The following VCL variants were observed in gnomAD, a reference collection of about 807,000 sequenced individuals.
The protein encoded by VCL is vinculin.
A neutral mutation model predicts 125.7 loss-of-function variants in VCL; 47 were observed. The ratio of observed to expected loss-of-function variants is 0.37; its 90% CI spans 0.30 to 0.48. The LOEUF (loss-of-function observed/expected upper bound fraction) is 0.48, where lower values mean the gene tolerates loss of function less well. Ranked by LOEUF, VCL falls within the 20% of genes least tolerant of loss-of-function variation. The probability of loss-of-function intolerance (pLI) is 0.99; values close to 1 mark genes in which losing one functional copy is unlikely to be tolerated. For synonymous variants in VCL, 458 were observed against 514.6 expected (o/e 0.89, Z 1.49); for missense variants, 1,069 against 1,455.5 (o/e 0.73, Z 4.32).
intron 1 of VCL, among the ~76,000 whole-genome samples, chr10:74,027,399 G>T (rs1326470203): frequency 8.6e-5 from 13 of 150,544 alleles, no homozygotes; most frequent in African/African-American, 2.9e-4. Context: ...TAGATGTCAT[G>T]CCTGTAATCC....
In VCL at chr10:74,071,106, A is replaced by G; in HGVS notation, c.499+23A>G. On this transcript the variant is annotated intron_variant, in intron 4 of 21. Coordinates refer to ENST00000211998, the MANE Select transcript of VCL (RefSeq NM_014000.3). This position sits in a 1 kb window ranked among gnomAD's most constrained non-coding sequence, Gnocchi z 4.1. ...CAGGTTAGTTTTATCCAATTTCTAT[A>G]ACATTTTTTAAGGATTGTCCATGTT... is the stretch of plus-strand genomic sequence containing the variant. 1.9e-6 allele frequency: 3 copies of G among 1,608,428 alleles called. No homozygotes were observed. Among genetic ancestry groups the G allele is most frequent in the Non-Finnish European group, 2.6e-6 (3 of 1,174,986 alleles).
At chr10:74,117,329 T>C (rs948846957) in intron 21 of VCL, among the ~76,000 whole-genome samples, 2 of 152,132 alleles carry the variant, frequency 1.3e-5, no homozygotes, top group Admixed American at 6.5e-5. Flanking sequence ...ATACGTAGTG[T>C]ATCAGTTCGT....
chr10:74,102,704 A>G (rs1840078773), intron 14 of VCL, among the ~76,000 whole-genome samples: 1 of 152,232 alleles, frequency 6.6e-6, no homozygotes, highest in African/African-American at 2.4e-5. Context: ...AGCTACAAAC[A>G]TGTCTAACAC....
At chr10:74,026,437 A>G (rs1170955486) in intron 1 of VCL, among the ~76,000 whole-genome samples, 1 of 152,198 alleles carries the variant, frequency 6.6e-6, no homozygotes, top group Non-Finnish European at 1.5e-5. Flanking sequence ...TCTGTTCCTC[A>G]TCTGTGGCAT....
At chr10:74,038,189 G>C (rs1841022541) in intron 1 of VCL, among the ~76,000 whole-genome samples, 1 of 151,984 alleles carries the variant, frequency 6.6e-6, no homozygotes, top group African/African-American at 2.4e-5. Context: ...TAGAGACGGG[G>C]TTTCGCCATG....
rs749490598 is a variant in VCL, at chr10:74,070,929, C to G, written c.391-46C>G. ...CTGCACATCTGTGTTACCGTGTTTGCTAGTTGTCCACCCATGTGATTGAAT... is the reference window on the plus strand; with the variant it reads ...CTGCACATCTGTGTTACCGTGTTTGGTAGTTGTCCACCCATGTGATTGAAT... On this transcript the variant is annotated intron_variant, in intron 3 of 21. Transcript: ENST00000211998. 11 of 1,611,478 alleles carry G rather than the reference C, an allele frequency of 6.8e-6. No homozygotes were observed. In the South Asian group the frequency reaches 1.2e-4, roughly 18 times the overall value.
intron 1 of VCL, among the ~76,000 whole-genome samples, chr10:74,031,792 C>T (rs532147049): frequency 8.5e-5 from 13 of 152,072 alleles, no homozygotes; most frequent in South Asian, 4.2e-4. Flanking sequence ...TGGCCCGGCA[C>T]GGTGGCTCAT....
At chr10:74,096,950 G>C (rs1839978354) in intron 12 of VCL, among the ~76,000 whole-genome samples, 1 of 152,226 alleles carries the variant, frequency 6.6e-6, no homozygotes, top group Non-Finnish European at 1.5e-5. Context: ...AGGAAGTAGG[G>C]TTCCTTGATT....
chr10:74,066,472 G>A (rs1468388267), intron 2 of VCL, among the ~76,000 whole-genome samples: 1 of 152,108 alleles, frequency 6.6e-6, no homozygotes, highest in Non-Finnish European at 1.5e-5. Flanking sequence ...ATGCATAACG[G>A]TATGATTCCG....
In VCL at chr10:74,118,015, C is replaced by T. The variant is rs1385058005; in HGVS notation, c.3259-8C>T. ...CCTGGGTAACGGAAAGTACCTTTTT[C>T]CTTGCAGGCCACAGAGATGCTGGTT... On this transcript the variant is annotated splice_region_variant and splice_polypyrimidine_tract_variant and intron_variant, in intron 21 of 21. Transcript: ENST00000211998. The T allele has an allele frequency of 1.2e-6, 2 of 1,613,946 alleles. No individual in the cohort carries two copies. The highest frequency in any genetic ancestry group is 1.7e-6 in the Non-Finnish European group (2 of 1,180,012).
At chr10:74,111,814 C>T (rs961565032) in intron 18 of VCL, 95 bp from the exon 19 acceptor site, 112 of 1,479,788 alleles carry the variant, frequency 7.6e-5, no homozygotes, top group Non-Finnish European at 1.9e-5. Context: ...CCTAGGCAGG[C>T]TTTGGTTACT....
rs761378361 is a variant in VCL at position 74,070,980 on chromosome 10, T to C, written c.396T>C (p.Arg132=). The change falls in exon 4 of 22, where the codon CGT becomes CGC. Residue 132 remains arginine, a synonymous_variant. Transcript: ENST00000211998. The part of the protein sequence containing the change: ...LLLTFDEAEV[R]KIIRVCKGIL... ...ACTCTGAAATATTTTTTCAGGTCCGTAAAATTATTAGAGTTTGCAAAGGAA... is the reference window on the plus strand; with the variant it reads ...ACTCTGAAATATTTTTTCAGGTCCGCAAAATTATTAGAGTTTGCAAAGGAA... 1.2e-6 allele frequency: 2 copies of C among 1,614,184 alleles called. No individual in the cohort carries two copies. The highest frequency in any genetic ancestry group is 1.7e-6 in the Non-Finnish European group (2 of 1,180,014).
At chr10:74,058,228 C>T (rs548004451) in intron 2 of VCL, among the ~76,000 whole-genome samples, 6 of 152,322 alleles carry the variant, frequency 3.9e-5, no homozygotes, top group African/African-American at 1.4e-4. Flanking sequence ...GAAAACCTCA[C>T]TGACCAGATT....
chr10:74,000,831 C>A (rs1840212575), intron 1 of VCL, among the ~76,000 whole-genome samples: 1 of 152,138 alleles, frequency 6.6e-6, no homozygotes, highest in Non-Finnish European at 1.5e-5. Context: ...AAGATGAAAA[C>A]AATGATATGT....
chr10:74,007,030 A>G (rs775431325), intron 1 of VCL, among the ~76,000 whole-genome samples: 2 of 152,114 alleles, frequency 1.3e-5, no homozygotes, highest in Non-Finnish European at 2.9e-5. Flanking sequence ...CAGTGGCACA[A>G]TCTGGGCTCA....
At chr10:74,069,581 G>C (rs1265050929) in intron 2 of VCL, among the ~76,000 whole-genome samples, 1 of 152,110 alleles carries the variant, frequency 6.6e-6, no homozygotes, top group African/African-American at 2.4e-5. Context: ...GGTGAGATAG[G>C]CTTTTATTTG....
chr10:74,038,595 G>T (rs1841031645), intron 1 of VCL, among the ~76,000 whole-genome samples: 1 of 152,200 alleles, frequency 6.6e-6, no homozygotes, highest in Non-Finnish European at 1.5e-5. Flanking sequence ...ATCACATTTA[G>T]TGTTTATCAC....
intron 19 of VCL, 96 bp from the exon 20 acceptor site, chr10:74,114,088 G>A (rs1274971105): frequency 2.8e-6 from 4 of 1,445,686 alleles, no homozygotes; most frequent in Non-Finnish European, 9.6e-7. Flanking sequence ...GGATGCTAAG[G>A]TGGCAAGCTC....
intron 1 of VCL, among the ~76,000 whole-genome samples, chr10:74,033,330 CT>C (rs1840916286): frequency 6.6e-6 from 1 of 152,022 alleles, no homozygotes; most frequent in Non-Finnish European, 1.5e-5. Context: ...TAGTGTTTAC[CT>C]AAGATTAGGT....
Sources: gnomAD v4.1 joint callset for allele counts (sites outside exome capture counted in the v4.1 genomes callset) on GRCh38, gnomAD v4.1.1 for gene constraint, Gnocchi (gnomAD v3.1) non-coding constraint, MANE v1.5 for transcripts, NCBI Gene and HGNC (gene_info 2026-07-23, HGNC 2026-07-21) for gene names.